ZNF782: variants seen among roughly 807,000 people sequenced by gnomAD.
ZNF782 encodes the protein zinc finger protein 782.
In ZNF782, 12 loss-of-function variants were observed where a neutral mutation model predicts 13.0. The ratio of observed to expected loss-of-function variants is 0.92; its 90% CI spans 0.59 to 1.50. The LOEUF (loss-of-function observed/expected upper bound fraction) is 1.50. Among genes scored for constraint, ZNF782 ranks in the 40% most tolerant of loss-of-function variants. ZNF782 has a pLI of 0.00. For synonymous variants in ZNF782, 284 were observed against 283.0 expected (o/e 1.00, Z -0.04); for missense variants, 770 against 822.9 (o/e 0.94, Z 0.79).
Position 96,819,375 on chromosome 9 carries a change from T to G in ZNF782, c.648A>C (p.Glu216Asp), listed in dbSNP as rs1233093904. The G allele has an allele frequency of 6.2e-7, 1 of 1,604,798 alleles. No homozygotes were observed. Among genetic ancestry groups the G allele is most frequent in the South Asian group, 1.1e-5 (1 of 89,286 alleles). Reference sequence around the variant, plus strand: ...GAAAAGCTTTTCTACTTTCATTATATTCAAAATCTTGCCCCAGAGTCTGAA... The same window carrying G: ...GAAAAGCTTTTCTACTTTCATTATAGTCAAAATCTTGCCCCAGAGTCTGAA... ...QTIQTLGQDF[E>D]YNESRKAFLE... Residue 216 changes from glutamate to aspartate, a missense_variant, in exon 6 of 6, where the codon GAA becomes GAC. Transcript: ENST00000481138.
At chr9:96,821,669 C>CT (rs1232848204) in intron 5 of ZNF782, among the ~76,000 whole-genome samples, 555 of 141,220 alleles carry the variant, frequency 3.9e-3, no homozygotes, top group Non-Finnish European at 4.2e-3. Context: ...TAATAGTTCA[C>CT]TTTTTTTTTT....
the ZNF782 span, among the ~76,000 whole-genome samples, chr9:96,901,050 C>T: frequency 6.7e-6 from 1 of 149,132 alleles, no homozygotes; most frequent in Non-Finnish European, 1.5e-5. Flanking sequence ...ATCCCAGCTA[C>T]TCAGGAGGCT....
chr9:96,872,139 T>A (rs1851836388), intron 1 of ZNF782, among the ~76,000 whole-genome samples: 1 of 152,244 alleles, frequency 6.6e-6, no homozygotes, highest in Non-Finnish European at 1.5e-5. Flanking sequence ...GATTGAAGTA[T>A]TGACTGCAGT....
At chr9:96,836,172 C>T (rs369046708) in intron 4 of ZNF782, among the ~76,000 whole-genome samples, 6 of 151,912 alleles carry the variant, frequency 3.9e-5, no homozygotes, top group African/African-American at 1.5e-4. Context: ...GGGTTTCAGA[C>T]CTTATGCCTA....
At chr9:96,854,548 C>T (rs563718118), upstream of ZNF782, 1 of 152,426 alleles carries the variant, frequency 6.6e-6, no homozygotes, top group African/African-American at 2.4e-5. Context: ...CCAGGAGCCC[C>T]ATCCCAGAGT....
the ZNF782 span, among the ~76,000 whole-genome samples, chr9:96,880,913 G>T: frequency 6.6e-6 from 1 of 152,046 alleles, no homozygotes; most frequent in Admixed American, 6.6e-5. Context: ...TCTATGCCTG[G>T]AGATTTCCTT....
the ZNF782 span, among the ~76,000 whole-genome samples, chr9:96,912,345 C>T: frequency 4.8e-5 from 7 of 146,476 alleles, no homozygotes; most frequent in East Asian, 6.0e-4. Context: ...GCCAACATGG[C>T]GAAACCCCGT....
the ZNF782 span, among the ~76,000 whole-genome samples, chr9:96,905,061 A>T: frequency 1.3e-5 from 2 of 149,734 alleles, no homozygotes; most frequent in Admixed American, 6.6e-5. Flanking sequence ...TGTTGGTGTC[A>T]GAGGCATTTG....
chr9:96,921,607 TC>T, the ZNF782 span, among the ~76,000 whole-genome samples: 1 of 149,584 alleles, frequency 6.7e-6, no homozygotes, highest in Non-Finnish European at 1.5e-5. Context: ...ACACCTCTAA[TC>T]CCAGCACTTT....
At chr9:96,897,483 T>C in the ZNF782 span, among the ~76,000 whole-genome samples, 3 of 151,568 alleles carry the variant, frequency 2.0e-5, no homozygotes, top group Non-Finnish European at 4.4e-5. Flanking sequence ...GCTGGGGGAG[T>C]CTGCATTATG....
chr9:96,877,404 G>A (rs1851906867), upstream of ZNF782, among the ~76,000 whole-genome samples: 3 of 152,360 alleles, frequency 2.0e-5, no homozygotes, highest in Middle Eastern at 3.4e-3. Context: ...GGGGCACCCA[G>A]GAGCCCGGCT....
intron 4 of ZNF782, among the ~76,000 whole-genome samples, chr9:96,837,807 A>G (rs1029387676): frequency 3.3e-5 from 5 of 152,110 alleles, no homozygotes; most frequent in African/African-American, 1.2e-4. Flanking sequence ...TTTTTCACAT[A>G]TTTGTAACAT....
chr9:96,827,025 G>A (rs1345319052), intron 5 of ZNF782, 55 bp downstream of exon 5: 3 of 1,156,246 alleles, frequency 2.6e-6, no homozygotes, highest in East Asian at 4.8e-5. Context: ...GCTGAGTTGT[G>A]TGAGTACTCC....
chr9:96,881,063 A>G, the ZNF782 span, among the ~76,000 whole-genome samples: 3 of 152,268 alleles, frequency 2.0e-5, no homozygotes, highest in East Asian at 5.8e-4. Context: ...AGACTTGTTC[A>G]TATTATTCAC....
At chr9:96,827,774 C>A (rs1389252925) in intron 4 of ZNF782, among the ~76,000 whole-genome samples, 1 of 152,092 alleles carries the variant, frequency 6.6e-6, no homozygotes, top group Non-Finnish European at 1.5e-5. Context: ...CCATAACAGA[C>A]AACTAAAAAA....
chr9:96,817,957 A>G lies in ZNF782; in HGVS notation c.2066T>C (p.Leu689Pro), dbSNP rs754202596. 6.3e-7 allele frequency: 1 copy of G among 1,599,262 alleles called. No individual in the cohort carries two copies. The highest frequency in any genetic ancestry group is 8.5e-7 in the Non-Finnish European group (1 of 1,173,482). ...CGRTFSQKSS[L>P]REHQKAHPGD ...TGGGTGGGCTTTCTGATGTTCTCTAAGGCTTGATTTTTGACTGAAAGTTCT... is the reference window on the plus strand; with the variant it reads ...TGGGTGGGCTTTCTGATGTTCTCTAGGGCTTGATTTTTGACTGAAAGTTCT... Residue 689 changes from leucine to proline, a missense_variant, in exon 6 of 6, where the codon CTT becomes CCT. By Grantham distance (98) the Leu-to-Pro change is moderately conservative. Transcript: ENST00000481138.
At chr9:96,851,209 T>C (rs1032853132) in intron 3 of ZNF782, among the ~76,000 whole-genome samples, 1 of 151,658 alleles carries the variant, frequency 6.6e-6, no homozygotes, top group Non-Finnish European at 1.5e-5. Flanking sequence ...ATAAAAAAAG[T>C]AAATGATTAC....
intron 4 of ZNF782, among the ~76,000 whole-genome samples, chr9:96,839,107 T>C (rs1489514837): frequency 6.6e-6 from 1 of 151,938 alleles, no homozygotes; most frequent in East Asian, 1.9e-4. Context: ...GCTAGAGGAG[T>C]ACTCTGATAC....
the ZNF782 span, chr9:96,896,102 G>A: frequency 6.6e-6 from 1 of 152,184 alleles, no homozygotes; most frequent in Non-Finnish European, 1.5e-5. Flanking sequence ...ATCAGGTGGG[G>A]ACATCAATTT....
Sources: allele counts gnomAD v4.1 joint callset (sites outside exome capture counted in the v4.1 genomes callset), GRCh38; gene constraint gnomAD v4.1.1; transcripts MANE v1.5; gene names NCBI Gene and HGNC (gene_info 2026-07-23, HGNC 2026-07-21).